STK32A: variants seen among roughly 807,000 people sequenced by gnomAD.
STK32A encodes the protein serine/threonine-protein kinase 32A.
STK32A carries 41 observed loss-of-function variants against 53.2 expected under a neutral mutation model. That is an observed-to-expected ratio of 0.77 (90% CI 0.60 to 1.00). The LOEUF (loss-of-function observed/expected upper bound fraction) is 1.00. Among genes scored for constraint, STK32A ranks in the 50% least tolerant of loss-of-function variants. The pLI, the probability that STK32A is intolerant of heterozygous loss-of-function variation, is 0.00. For missense variants in STK32A, 458 were observed against 485.8 expected, an observed-to-expected ratio of 0.94 and a Z score of 0.54; for synonymous variants, 166 against 162.8, an observed-to-expected ratio of 1.02 and a Z score of -0.15.
At chr5:147,274,438 AACATGATCCAAGTAAAAG>A (rs1755167721) in intron 2 of STK32A, among the ~76,000 whole-genome samples, 1 of 152,200 alleles carries the variant, frequency 6.6e-6, no homozygotes, top group Admixed American at 6.5e-5. Flanking sequence ...AAAGTTTTGG[AACATGATCCAAGTAAAAG>A]ACTCAAGAAG....
At chr5:147,401,685 A>C in the STK32A span, 2 of 1,614,122 alleles carry the variant, frequency 1.2e-6, no homozygotes, top group Non-Finnish European at 8.5e-7. Flanking sequence ...GGCTCACCAA[A>C]GACTACATTT....
At chr5:147,401,602 C>T in the STK32A span, 8 of 1,613,840 alleles carry the variant, frequency 5.0e-6, no homozygotes, top group Admixed American at 1.2e-4. Context: ...GTGGGGATGT[C>T]ACAAATGCAG....
chr5:147,272,260 A>G (rs1462209266), intron 2 of STK32A, among the ~76,000 whole-genome samples: 1 of 152,156 alleles, frequency 6.6e-6, no homozygotes, highest in Non-Finnish European at 1.5e-5. Flanking sequence ...TATTTTTAGT[A>G]GAGACTGGGT....
intron 2 of STK32A, among the ~76,000 whole-genome samples, chr5:147,251,793 T>G: frequency 6.6e-6 from 1 of 152,206 alleles, no homozygotes; most frequent in East Asian, 1.9e-4. Flanking sequence ...TAGAGCACCT[T>G]TTCTTCCCTG....
At chr5:147,372,706 T>G (rs1044690803) in intron 9 of STK32A, among the ~76,000 whole-genome samples, 1 of 152,144 alleles carries the variant, frequency 6.6e-6, no homozygotes, top group Non-Finnish European at 1.5e-5. Flanking sequence ...CCCAATGTAT[T>G]TTAATTAGTT....
At chr5:147,379,404 G>C (rs1432840) in intron 11 of STK32A, among the ~76,000 whole-genome samples, 11,368 of 151,642 alleles carry the variant, frequency 0.075, 1,167 homozygotes, top group African/African-American at 0.22. Flanking sequence ...TGCATTTTTC[G>C]GGTGTCTCAG....
At chr5:147,236,503 G>A (rs1366291503) in intron 1 of STK32A, among the ~76,000 whole-genome samples, 4 of 151,906 alleles carry the variant, frequency 2.6e-5, no homozygotes, top group Admixed American at 6.6e-5. Flanking sequence ...ATTTTCCTGC[G>A]AGAGAAAGGT....
At position 147,281,994 on chromosome 5, in the gene STK32A, C is replaced by A. The variant is rs565097908; in HGVS notation, c.260+2596C>A. Among the ~76,000 whole-genome samples the A allele has an allele frequency of 3.3e-5, 5 of 152,210 alleles. No homozygotes were observed. In the South Asian group the frequency reaches 1.0e-3, roughly 32 times the overall value. On this transcript the variant is annotated intron_variant, in intron 4 of 12. Coordinates refer to ENST00000397936, the MANE Select transcript of STK32A (RefSeq NM_001112724.2). ...AATTATTAGCCAAGAATTTTGTATC[C>A]AGTGAAACTAAGCATCATATATGAA...
intron 5 of STK32A, among the ~76,000 whole-genome samples, chr5:147,334,031 A>C (rs1259804701): frequency 6.6e-6 from 1 of 152,194 alleles, no homozygotes. Context: ...TTGCAAAATC[A>C]GGAGTGCTTA....
intron 5 of STK32A, chr5:147,342,760 T>G (rs545348344): frequency 5.6e-5 from 27 of 481,584 alleles, no homozygotes; most frequent in African/African-American, 4.2e-4. Context: ...GAGAGAGGCC[T>G]TGGTTCAGAG....
chr5:147,394,796 G>A, the STK32A span, among the ~76,000 whole-genome samples: 2 of 151,826 alleles, frequency 1.3e-5, no homozygotes, highest in African/African-American at 4.8e-5. Context: ...CTTCCCCTAG[G>A]TCTCCCTTAC....
At chr5:147,342,666 A>G (rs1401489235) in intron 5 of STK32A, 3 of 254,110 alleles carry the variant, frequency 1.2e-5, no homozygotes, top group Non-Finnish European at 2.3e-5. Context: ...TGGCAATGTA[A>G]ATGCTTTATA....
In STK32A at chr5:147,266,486, T is replaced by C. The variant is rs74526721; in HGVS notation, c.53-11638T>C. ...GCTAAGAAATCAACATAAAGGAAAATAGAAAAATTTTCCCCAAATCCATCC... is the reference window on the plus strand; with the variant it reads ...GCTAAGAAATCAACATAAAGGAAAACAGAAAAATTTTCCCCAAATCCATCC... On this transcript the variant is annotated intron_variant, in intron 2 of 12. Transcript: ENST00000397936. 3.0e-4 allele frequency among the ~76,000 whole-genome samples: 45 copies of C among 152,214 alleles called. No individual in the cohort carries two copies. In the East Asian group the frequency reaches 7.9e-3, roughly 27 times the overall value.
chr5:147,358,221 T>C (rs1756344385), intron 7 of STK32A, among the ~76,000 whole-genome samples: 1 of 152,104 alleles, frequency 6.6e-6, no homozygotes, highest in Non-Finnish European at 1.5e-5. Flanking sequence ...ACAATGCCAA[T>C]TTAAACCACA....
intron 2 of STK32A, 184 bp downstream of exon 2, chr5:147,239,870 G>A: frequency 1.8e-6 from 1 of 571,198 alleles, no homozygotes; most frequent in South Asian, 2.2e-5. Context: ...CACTTTCCAT[G>A]GGACCTTTGG....
chr5:147,295,158 C>T (rs1315318595), intron 4 of STK32A, among the ~76,000 whole-genome samples: 1 of 152,142 alleles, frequency 6.6e-6, no homozygotes, highest in Non-Finnish European at 1.5e-5. Context: ...ATTAACAGAT[C>T]TAAATATATT....
chr5:147,339,471 A>T lies in STK32A; in HGVS notation c.435-3535A>T, dbSNP rs145843617. On this transcript the variant is annotated intron_variant, in intron 5 of 12. Coordinates refer to ENST00000397936, the MANE Select transcript of STK32A (RefSeq NM_001112724.2). Reference sequence around the variant, plus strand: ...CGTGGAAGGGAAATATGGGGTGGGAACCCACACACAGAGTTCCCACTAGGG... The same window carrying T: ...CGTGGAAGGGAAATATGGGGTGGGATCCCACACACAGAGTTCCCACTAGGG... Among the ~76,000 whole-genome samples, 3 of 152,328 alleles carry T rather than the reference A, an allele frequency of 2.0e-5. No individual in the cohort carries two copies. The East Asian group carries it at 5.8e-4, about 29-fold the overall frequency.
intron 7 of STK32A, 87 bp downstream of exon 7, chr5:147,351,241 G>A: frequency 1.7e-6 from 2 of 1,153,928 alleles, no homozygotes; most frequent in African/African-American, 1.5e-5. Context: ...TTTGCAGCTA[G>A]AACTGGTAAG....
intron 7 of STK32A, among the ~76,000 whole-genome samples, chr5:147,352,263 C>T (rs1362476508): frequency 6.6e-6 from 1 of 152,090 alleles, no homozygotes; most frequent in Non-Finnish European, 1.5e-5. Context: ...GAAATTCTGC[C>T]TCAGAAAGTT....
Sources: gnomAD v4.1 joint callset for allele counts (sites outside exome capture counted in the v4.1 genomes callset) on GRCh38, gnomAD v4.1.1 for gene constraint, MANE v1.5 for transcripts, NCBI Gene and HGNC (gene_info 2026-07-23, HGNC 2026-07-21) for gene names.